PXDNL: variants seen among roughly 807,000 people sequenced by gnomAD.
PXDNL encodes the protein peroxidasin like.
A neutral mutation model predicts 150.8 loss-of-function variants in PXDNL; 145 were observed. That is an observed-to-expected ratio of 0.96 (90% CI 0.84 to 1.10). The LOEUF (loss-of-function observed/expected upper bound fraction) is 1.10. PXDNL is among the 50% of genes least tolerant of loss of function. The pLI is 0.00. For synonymous variants in PXDNL, 757 were observed against 725.7 expected, an observed-to-expected ratio of 1.04 and a Z score of -0.69; for missense variants, 2,087 against 1,873.9, an observed-to-expected ratio of 1.11 and a Z score of -2.10.
chr8:51,386,807 G>C (rs2130825773), intron 17 of PXDNL, among the ~76,000 whole-genome samples: 1 of 148,928 alleles, frequency 6.7e-6, no homozygotes, highest in Non-Finnish European at 1.5e-5. Flanking sequence ...ACAGATGACA[G>C]AGCAAGACTT....
At chr8:51,483,770 C>G (rs1810659653) in intron 5 of PXDNL, 56 bp from the exon 6 acceptor site, 2 of 1,033,816 alleles carry the variant, frequency 1.9e-6, no homozygotes, top group Admixed American at 4.9e-5. Context: ...ATTTGACAAA[C>G]AAAACCTTTC....
chr8:51,384,562 T>TA (rs1563385398), intron 17 of PXDNL, among the ~76,000 whole-genome samples: 1 of 47,472 alleles, frequency 2.1e-5, no homozygotes, highest in African/African-American at 6.3e-5. Flanking sequence ...CTTCTACAAT[T>TA]AAAAAGTATG....
intron 12 of PXDNL, among the ~76,000 whole-genome samples, chr8:51,442,761 G>T (rs1311259640): frequency 1.3e-5 from 2 of 151,882 alleles, no homozygotes; most frequent in African/African-American, 2.4e-5. Context: ...TGATATCTAT[G>T]ATTACATTTA....
chr8:51,432,408 C>T (rs529225579), intron 12 of PXDNL, among the ~76,000 whole-genome samples: 2 of 152,102 alleles, frequency 1.3e-5, no homozygotes, highest in African/African-American at 4.8e-5. Flanking sequence ...TTCCATATGC[C>T]TTCCAGAATC....
chr8:51,675,050 G>A (rs5000332), intron 1 of PXDNL, among the ~76,000 whole-genome samples: 128,081 of 152,172 alleles, frequency 0.84, 54,208 homozygotes, highest in African/African-American at 0.93. Context: ...TTTATTCTAT[G>A]TGGCCCATCA....
chr8:51,495,656 A>G (rs1216655041), intron 5 of PXDNL, among the ~76,000 whole-genome samples: 2 of 152,232 alleles, frequency 1.3e-5, no homozygotes, highest in African/African-American at 2.4e-5. Context: ...AAACACCTCT[A>G]TGCAAATAAA....
intron 1 of PXDNL, among the ~76,000 whole-genome samples, chr8:51,795,302 A>G (rs566010018): frequency 6.6e-6 from 1 of 152,374 alleles, no homozygotes; most frequent in South Asian, 2.1e-4. Context: ...GACATGATAG[A>G]TATCTACAGA....
In PXDNL at chr8:51,608,709, T is replaced by C. The variant is rs184170305; in HGVS notation, c.237-16011A>G. Among the ~76,000 whole-genome samples, 1,494 of 150,622 alleles carry C rather than the reference T, an allele frequency of 9.9e-3. 14 individuals carry two copies. The highest frequency in any genetic ancestry group is 0.026 in the African/African-American group (1,074 of 40,836). On this transcript the variant is annotated intron_variant, in intron 2 of 22. Transcript: ENST00000356297. Reference sequence around the variant, plus strand: ...AAAATTAGCCGGGCGTGGTGGTGGGTGCCTGTAGTCCCAGCTGCTCGGGAG... The same window carrying C: ...AAAATTAGCCGGGCGTGGTGGTGGGCGCCTGTAGTCCCAGCTGCTCGGGAG...
chr8:51,478,124 G>A (rs10958270), intron 6 of PXDNL, among the ~76,000 whole-genome samples: 30,511 of 151,940 alleles, frequency 0.2, 4,192 homozygotes, highest in African/African-American at 0.39. Context: ...AATTTTGCCT[G>A]TAATTTAGAG....
chr8:51,486,762 A>G (rs10109883), intron 5 of PXDNL, among the ~76,000 whole-genome samples: 233 of 15,930 alleles, frequency 0.015, 1 homozygote, highest in African/African-American at 0.067. Context: ...ATATATATAT[A>G]TATATATATA....
chr8:51,737,780 C>T (rs1817068828), intron 1 of PXDNL, among the ~76,000 whole-genome samples: 1 of 152,032 alleles, frequency 6.6e-6, no homozygotes, highest in Non-Finnish European at 1.5e-5. Flanking sequence ...TCCTTTCTGC[C>T]CATCTCTTCT....
At chr8:51,698,575 A>T (rs1488125862) in intron 1 of PXDNL, among the ~76,000 whole-genome samples, 1 of 152,210 alleles carries the variant, frequency 6.6e-6, no homozygotes, top group East Asian at 1.9e-4. Context: ...AAAGTCATCC[A>T]TGAAAGTTGG....
intron 12 of PXDNL, among the ~76,000 whole-genome samples, chr8:51,433,699 G>A (rs925627532): frequency 1.3e-5 from 2 of 151,852 alleles, no homozygotes; most frequent in African/African-American, 2.4e-5. Context: ...ACTTATAATC[G>A]TATTTTTATA....
chr8:51,377,335 G>A (rs1807355162), intron 17 of PXDNL, among the ~76,000 whole-genome samples: 2 of 152,078 alleles, frequency 1.3e-5, no homozygotes, highest in Admixed American at 1.3e-4. Flanking sequence ...CAATTGAGAG[G>A]TGACAGCGTG....
chr8:51,726,478 TG>T (rs1214104409), intron 1 of PXDNL, among the ~76,000 whole-genome samples: 3 of 152,242 alleles, frequency 2.0e-5, no homozygotes, highest in Non-Finnish European at 4.4e-5. Flanking sequence ...AGAAACCGCC[TG>T]GGACCAGAAA....
intron 20 of PXDNL, among the ~76,000 whole-genome samples, chr8:51,342,176 T>C (rs1338922245): frequency 2.0e-5 from 3 of 151,810 alleles, no homozygotes; most frequent in African/African-American, 2.4e-5. Flanking sequence ...TAAAATAAAA[T>C]ATATAAAAAA....
chr8:51,657,219 T>C (rs940940256), intron 1 of PXDNL, among the ~76,000 whole-genome samples: 1 of 152,148 alleles, frequency 6.6e-6, no homozygotes, highest in Non-Finnish European at 1.5e-5. Context: ...TACATCAAAA[T>C]TGTAACCATT....
chr8:51,715,311 G>C (rs1382126502), intron 1 of PXDNL, among the ~76,000 whole-genome samples: 1 of 152,138 alleles, frequency 6.6e-6, no homozygotes, highest in Admixed American at 6.5e-5. Context: ...AGATACACCT[G>C]ATTTTGAATG....
At chr8:51,654,995 G>A (rs1815121590) in intron 1 of PXDNL, among the ~76,000 whole-genome samples, 1 of 152,276 alleles carries the variant, frequency 6.6e-6, no homozygotes, top group South Asian at 2.1e-4. Flanking sequence ...CCAGACAAAT[G>A]TGGCTATTTA....
Sources: gnomAD v4.1 joint callset for allele counts (sites outside exome capture counted in the v4.1 genomes callset) on GRCh38, gnomAD v4.1.1 for gene constraint, MANE v1.5 for transcripts, NCBI Gene and HGNC (gene_info 2026-07-23, HGNC 2026-07-21) for gene names.